KIF6: variants seen among roughly 807,000 people sequenced by gnomAD.
KIF6 encodes kinesin-like protein KIF6.
Under a neutral mutation model 112.7 loss-of-function variants are expected in KIF6, and 106 were observed. That is an observed-to-expected ratio of 0.94 (90% CI 0.80 to 1.11). The LOEUF is 1.11. KIF6 is among the 50% of genes least tolerant of loss of function. KIF6 has a pLI of 0.00. For missense variants in KIF6, 929 were observed against 964.0 expected, an observed-to-expected ratio of 0.96 and a Z score of 0.48; for synonymous variants, 339 against 339.9, an observed-to-expected ratio of 1.00 and a Z score of 0.03.
chr6:39,346,090 C>CTCTCTAT (rs1562112945), intron 20 of KIF6, among the ~76,000 whole-genome samples: 1 of 36,808 alleles, frequency 2.7e-5, no homozygotes, highest in African/African-American at 1.9e-4. Flanking sequence ...CTCTCTCCCC[C>CTCTCTAT]CCCTCTCCCT....
chr6:39,670,130 C>A (rs573621945), intron 3 of KIF6, among the ~76,000 whole-genome samples: 1 of 152,068 alleles, frequency 6.6e-6, no homozygotes, highest in East Asian at 1.9e-4. Context: ...CTACTCTGGG[C>A]GCGGGAGAAG....
At chr6:39,403,770 G>A (rs139142518) in intron 15 of KIF6, among the ~76,000 whole-genome samples, 68 of 152,304 alleles carry the variant, frequency 4.5e-4, no homozygotes, top group African/African-American at 1.5e-3. Flanking sequence ...ACATACAAGA[G>A]TTCCAGTTGC....
At chr6:39,685,469 G>C (rs1043535293) in intron 3 of KIF6, among the ~76,000 whole-genome samples, 1 of 152,206 alleles carries the variant, frequency 6.6e-6, no homozygotes, top group Admixed American at 6.5e-5. Flanking sequence ...AATGTAGGAA[G>C]TTTGAGAAGA....
intron 13 of KIF6, among the ~76,000 whole-genome samples, chr6:39,448,422 G>A (rs1360048589): frequency 1.3e-5 from 2 of 152,064 alleles, no homozygotes; most frequent in East Asian, 1.9e-4. Context: ...AGATCCACCC[G>A]CCTCATCCTC....
chr6:39,650,699 A>G (rs565683699), intron 3 of KIF6, among the ~76,000 whole-genome samples: 2 of 152,206 alleles, frequency 1.3e-5, no homozygotes, highest in East Asian at 1.9e-4. Context: ...TGAAACCACA[A>G]AATTTTATAC....
intron 1 of KIF6, among the ~76,000 whole-genome samples, chr6:39,724,663 A>G (rs1056549067): frequency 6.6e-6 from 1 of 152,204 alleles, no homozygotes; most frequent in African/African-American, 2.4e-5. Context: ...TACAAGGAGT[A>G]TATGTAAAGG....
At chr6:39,578,250 A>G in intron 9 of KIF6, 91 bp from the exon 10 acceptor site, 1 of 812,300 alleles carries the variant, frequency 1.2e-6, no homozygotes, top group Non-Finnish European at 2.1e-6. Flanking sequence ...ATTATGGACA[A>G]TTTTATGGAC....
Position 39,540,232 on chromosome 6 carries a change from A to T in KIF6, c.1427-11T>A. ...TGTTGACCAGGATATCTGAAACTTG[A>T]CTTAAGGATTTAATGCCTGATGCTA... On this transcript the variant is annotated splice_polypyrimidine_tract_variant and intron_variant, in intron 12 of 22. Transcript: ENST00000287152. 6.4e-7 allele frequency: 1 copy of T among 1,564,144 alleles called. No homozygotes were observed. Among genetic ancestry groups the T allele is most frequent in the Non-Finnish European group, 8.7e-7 (1 of 1,143,444 alleles).
chr6:39,637,875 A>G (rs1041702638), intron 4 of KIF6, among the ~76,000 whole-genome samples: 3 of 152,030 alleles, frequency 2.0e-5, no homozygotes, highest in Non-Finnish European at 4.4e-5. Context: ...GTTATTTAGG[A>G]TCATTCAGAA....
At chr6:39,719,233 C>T (rs1267193101) in intron 2 of KIF6, among the ~76,000 whole-genome samples, 1 of 152,010 alleles carries the variant, frequency 6.6e-6, no homozygotes, top group Non-Finnish European at 1.5e-5. Context: ...GCAGGAGAAT[C>T]GCTTGAACCC....
intron 3 of KIF6, among the ~76,000 whole-genome samples, chr6:39,674,013 T>C (rs1786990383): frequency 6.6e-6 from 1 of 152,018 alleles, no homozygotes; most frequent in African/African-American, 2.4e-5. Context: ...ACTATTCTTT[T>C]GGGGAAATAT....
intron 6 of KIF6, among the ~76,000 whole-genome samples, chr6:39,606,736 T>C (rs1428646214): frequency 6.6e-6 from 1 of 152,208 alleles, no homozygotes; most frequent in Non-Finnish European, 1.5e-5. Context: ...AAATGGCTTG[T>C]ATTTAAGGTT....
At chr6:39,352,606 C>CTT (rs34771617) in intron 19 of KIF6, among the ~76,000 whole-genome samples, 5,439 of 140,794 alleles carry the variant, frequency 0.039, 164 homozygotes, top group Non-Finnish European at 0.055. Flanking sequence ...CCTGATAGCT[C>CTT]TTTTTTTTTT....
At chr6:39,600,531 C>G (rs1365637037) in intron 6 of KIF6, among the ~76,000 whole-genome samples, 2 of 152,180 alleles carry the variant, frequency 1.3e-5, no homozygotes, top group Admixed American at 1.3e-4. Flanking sequence ...TGCTGATCCT[C>G]TAGGTAATAT....
chr6:39,675,996 G>A (rs1787115264), intron 3 of KIF6, among the ~76,000 whole-genome samples: 1 of 146,428 alleles, frequency 6.8e-6, no homozygotes, highest in African/African-American at 2.5e-5. Context: ...TGAATGAAAA[G>A]AAAAATGTAT....
At chr6:39,506,277 T>C (rs763598338) in intron 13 of KIF6, among the ~76,000 whole-genome samples, 2 of 152,128 alleles carry the variant, frequency 1.3e-5, no homozygotes, top group African/African-American at 2.4e-5. Flanking sequence ...CCTCATGTTC[T>C]GACTTACACT....
intron 15 of KIF6, among the ~76,000 whole-genome samples, chr6:39,397,595 G>A (rs1183769806): frequency 2.0e-5 from 3 of 152,030 alleles, no homozygotes; most frequent in South Asian, 4.1e-4. Flanking sequence ...GTTTCTTACC[G>A]ATCTCAGTCC....
At position 39,545,585 on chromosome 6, in the gene KIF6, TTAAA is replaced by T; in HGVS notation, c.1281_1284del (p.His427GlnfsTer5). 6.2e-7 allele frequency: 1 copy of T among 1,608,040 alleles called. No homozygotes were observed. Among genetic ancestry groups the T allele is most frequent in the Non-Finnish European group, 8.5e-7 (1 of 1,175,038 alleles). ...ATTGGGGAAACATTTAAGTTTACCTTTAAATGATGAAAACAGTGATGAACTTTAC... is the reference window on the plus strand; with the variant it reads ...ATTGGGGAAACATTTAAGTTTACCTTTGATGAAAACAGTGATGAACTTTAC... On this transcript the variant is annotated frameshift_variant, in exon 11 of 23. Transcript: ENST00000287152. LOFTEE classifies it high-confidence loss of function.
chr6:39,692,869 A>C (rs1344250370), intron 3 of KIF6, among the ~76,000 whole-genome samples: 1 of 152,152 alleles, frequency 6.6e-6, no homozygotes, highest in Non-Finnish European at 1.5e-5. Context: ...TACTGTACTT[A>C]ATATAAAAAA....
Sources: gnomAD v4.1 joint callset for allele counts (sites outside exome capture counted in the v4.1 genomes callset) on GRCh38, gnomAD v4.1.1 for gene constraint, MANE v1.5 for transcripts, NCBI Gene and HGNC (gene_info 2026-07-23, HGNC 2026-07-21) for gene names.